The following CILK1 variants were observed in gnomAD, a reference collection of about 807,000 sequenced individuals.
CILK1 encodes the protein ciliogenesis associated kinase 1.
Under a neutral mutation model 79.2 loss-of-function variants are expected in CILK1, and 47 were observed. The ratio of observed to expected loss-of-function variants is 0.59; its 90% confidence interval spans 0.47 to 0.76. CILK1 has a LOEUF of 0.76. CILK1 is among the 30% of genes least tolerant of loss of function. The pLI is 0.00. For missense variants in CILK1, 660 were observed against 769.5 expected (o/e 0.86, Z 1.68); for synonymous variants, 266 against 275.9 (o/e 0.96, Z 0.36).
intron 1 of CILK1, among the ~76,000 whole-genome samples, chr6:53,047,021 C>G (rs1767122382): frequency 6.6e-6 from 1 of 152,230 alleles, no homozygotes; most frequent in Admixed American, 6.5e-5. Context: ...AGGGCAGGCA[C>G]AGCCTAATGT....
rs1054460620 is a variant in CILK1, at chr6:53,003,186, G to A, written c.*1963C>T. On this transcript the variant is annotated 3_prime_UTR_variant, in exon 14 of 14. Transcript: ENST00000676107. ...TGCTGCCAGCTTGTTAACAGGAAAAGACCACCTATCACATCCACATCCATT... is the reference window on the plus strand; with the variant it reads ...TGCTGCCAGCTTGTTAACAGGAAAAAACCACCTATCACATCCACATCCATT... 2 of 152,562 alleles carry A rather than the reference G, an allele frequency of 1.3e-5. No individual in the cohort carries two copies. Among genetic ancestry groups the A allele is most frequent in the African/African-American group, 4.8e-5 (2 of 41,424 alleles). The allele number at this position is 152,562 out of a possible 1,614,324, so 9.5% of individuals were successfully genotyped here.
chr6:53,035,554 G>A (rs1766275576), intron 3 of CILK1, among the ~76,000 whole-genome samples: 1 of 152,082 alleles, frequency 6.6e-6, no homozygotes, highest in Admixed American at 6.5e-5. Context: ...ATGGGAGCAG[G>A]GATTCCCCTC....
At position 53,013,672 on chromosome 6, in the gene CILK1, T is replaced by G. The variant is rs923231581; in HGVS notation, c.1142A>C (p.His381Pro). The change falls in exon 9 of 14, where the codon CAT becomes CCT. Residue 381 changes from histidine (H) to proline (P), a missense_variant. His to Pro is a moderately conservative substitution (Grantham distance 77). Coordinates refer to ENST00000676107, the MANE Select transcript of CILK1 (RefSeq NM_014920.5). Reference protein sequence around the residue: ...PLLFPSLHNKHPQSKITAGLE... With the variant: ...PLLFPSLHNKPPQSKITAGLE... ...ATCTGGGCTGCTCACCGACTGTGGATGCTTGTTGTGGAGGGATGGGAAAAG... is the reference window on the plus strand; with the variant it reads ...ATCTGGGCTGCTCACCGACTGTGGAGGCTTGTTGTGGAGGGATGGGAAAAG... 1.9e-6 allele frequency: 3 copies of G among 1,613,994 alleles called. No individual in the cohort carries two copies. The Admixed American group carries it at 5.0e-5, about 27-fold the overall frequency.
chr6:53,006,275 T>G, intron 13 of CILK1, 40 bp downstream of exon 13: 1 of 1,601,308 alleles, frequency 6.2e-7, no homozygotes. Context: ...GAGTAACCAT[T>G]TGTTGAGTAA....
At chr6:53,043,962 C>T (rs547518911) in intron 1 of CILK1, among the ~76,000 whole-genome samples, 3 of 151,716 alleles carry the variant, frequency 2.0e-5, no homozygotes, top group East Asian at 3.9e-4. Context: ...AAATGGGGTT[C>T]TAGCACTCCA....
intron 3 of CILK1, among the ~76,000 whole-genome samples, chr6:53,035,526 C>G (rs1766273071): frequency 6.6e-6 from 1 of 152,148 alleles, no homozygotes; most frequent in African/African-American, 2.4e-5. Context: ...CACCAGGTGC[C>G]ATTCCCCGCA....
intron 1 of CILK1, among the ~76,000 whole-genome samples, chr6:53,058,497 C>G (rs1251185247): frequency 6.6e-6 from 1 of 152,134 alleles, no homozygotes; most frequent in East Asian, 1.9e-4. Context: ...CAACCACAAA[C>G]TAAGACACAA....
At chr6:53,031,581 G>C (rs1261749972) in intron 4 of CILK1, among the ~76,000 whole-genome samples, 1 of 152,146 alleles carries the variant, frequency 6.6e-6, no homozygotes, top group African/African-American at 2.4e-5. Flanking sequence ...TGCCCAAGAG[G>C]CTCCATACGG....
Position 53,011,880 on chromosome 6 carries a change from C to A in CILK1, c.1381G>T (p.Val461Leu), listed in dbSNP as rs1056431855. Residue 461 changes from valine (V) to leucine (L), a missense_variant, in exon 11 of 14, where the codon GTG (valine) becomes TTG (leucine). Physicochemically the swap from Val to Leu is conservative, Grantham distance 32. Coordinates refer to ENST00000676107, the MANE Select transcript of CILK1 (RefSeq NM_014920.5). The part of the protein sequence containing the change: ...SVLDLKPSEP[V>L]GTGNSAPTQT... The stretch of plus-strand genomic sequence containing the variant: ...GTGGGGGCACTGTTTCCTGTGCCCA[C>A]AGGCTCAGAGGGCTTCAGGTCCAAA... 6.2e-7 allele frequency: 1 copy of A among 1,614,020 alleles called. No homozygotes were observed. Among genetic ancestry groups the A allele is most frequent in the Non-Finnish European group, 8.5e-7 (1 of 1,180,036 alleles).
At chr6:53,046,822 G>A (rs895431794) in intron 1 of CILK1, among the ~76,000 whole-genome samples, 7 of 152,208 alleles carry the variant, frequency 4.6e-5, no homozygotes, top group African/African-American at 1.7e-4. Context: ...AAACTGCTAT[G>A]AGAATGCAGT....
chr6:53,053,053 A>AG (rs1407049969), intron 1 of CILK1, among the ~76,000 whole-genome samples: 2 of 9,990 alleles, frequency 2.0e-4, no homozygotes, highest in Non-Finnish European at 8.0e-4. Context: ...TAAAAGCCTG[A>AG]AAAAAAAAAA....
At chr6:53,058,073 C>G (rs1480619587) in intron 1 of CILK1, among the ~76,000 whole-genome samples, 1 of 152,176 alleles carries the variant, frequency 6.6e-6, no homozygotes, top group Non-Finnish European at 1.5e-5. Flanking sequence ...CCCAGGAAGA[C>G]TTCAACTTTC....
In CILK1 at chr6:53,011,876, C is replaced by T; in HGVS notation, c.1385G>A (p.Gly462Asp). 1 of 1,614,124 alleles carries T rather than the reference C, an allele frequency of 6.2e-7. No homozygotes were observed. The highest frequency in any genetic ancestry group is 8.5e-7 in the Non-Finnish European group (1 of 1,180,016). Residue 462 changes from glycine to aspartate, a missense_variant, in exon 11 of 14, where the codon GGC becomes GAC. Gly to Asp is a moderately conservative substitution (Grantham distance 94, BLOSUM62 -1). Transcript: ENST00000676107. ...VLDLKPSEPV[G>D]TGNSAPTQTS... ...CTGGGTGGGGGCACTGTTTCCTGTG[C>T]CCACAGGCTCAGAGGGCTTCAGGTC...
At chr6:53,022,929 T>G (rs1056604677) in intron 5 of CILK1, among the ~76,000 whole-genome samples, 1 of 147,276 alleles carries the variant, frequency 6.8e-6, no homozygotes, top group African/African-American at 2.5e-5. Context: ...ACTTCAGGTA[T>G]GTTAACCATT....
At chr6:53,047,862 T>C (rs1767203848) in intron 1 of CILK1, among the ~76,000 whole-genome samples, 1 of 151,884 alleles carries the variant, frequency 6.6e-6, no homozygotes, top group Admixed American at 6.6e-5. Context: ...GTTTTTGTGT[T>C]ATTTGGACAA....
chr6:53,021,339 G>T (rs1266295097), intron 5 of CILK1, among the ~76,000 whole-genome samples: 1 of 151,554 alleles, frequency 6.6e-6, no homozygotes, highest in African/African-American at 2.4e-5. Flanking sequence ...CGGCGCGGGG[G>T]GGTTGGGGGG....
intron 12 of CILK1, among the ~76,000 whole-genome samples, chr6:53,007,062 G>A (rs1413263680): frequency 1.3e-5 from 2 of 152,210 alleles, no homozygotes; most frequent in African/African-American, 4.8e-5. Flanking sequence ...ATAACAGAAT[G>A]CCTTGCATAT....
intron 8 of CILK1, 107 bp from the exon 9 acceptor site, chr6:53,014,089 G>A: frequency 1.1e-6 from 1 of 895,220 alleles, no homozygotes. Context: ...CTGTTTCTTA[G>A]CCCAATTAGA....
intron 1 of CILK1, among the ~76,000 whole-genome samples, chr6:53,043,130 A>C (rs1261091561): frequency 6.6e-6 from 1 of 152,088 alleles, no homozygotes; most frequent in African/African-American, 2.4e-5. Flanking sequence ...AGCCTGGCCA[A>C]CATGGTGAAA....
Sources: gnomAD v4.1 joint callset for allele counts (sites outside exome capture counted in the v4.1 genomes callset) on GRCh38, gnomAD v4.1.1 for gene constraint, MANE v1.5 for transcripts, NCBI Gene and HGNC (gene_info 2026-07-23, HGNC 2026-07-21) for gene names.